Variants in MARCO observed in about 807,000 individuals in gnomAD.
MARCO encodes the protein macrophage receptor MARCO.
A neutral mutation model predicts 70.0 loss-of-function variants in MARCO; 72 were observed. The ratio of observed to expected loss-of-function variants is 1.03; its 90% confidence interval spans 0.85 to 1.25. The LOEUF is 1.25. MARCO is among the 50% of genes most tolerant of loss of function. MARCO has a pLI of 0.00. For synonymous variants in MARCO, 273 were observed against 243.1 expected (o/e 1.12, Z -1.14); for missense variants, 696 against 659.3 (o/e 1.06, Z -0.61).
chr2:118,975,159 G>T (rs1394043119), intron 6 of MARCO, among the ~76,000 whole-genome samples: 2 of 152,108 alleles, frequency 1.3e-5, no homozygotes, highest in African/African-American at 4.8e-5. Flanking sequence ...GGGTTCACGG[G>T]GCCCGGTCAG....
chr2:118,948,702 T>C (rs915794277), intron 1 of MARCO, among the ~76,000 whole-genome samples: 1 of 152,238 alleles, frequency 6.6e-6, no homozygotes, highest in African/African-American at 2.4e-5. Flanking sequence ...ATGTCTTGGC[T>C]TAGTTGTTTT....
At chr2:118,960,632 C>T (rs944708385) in intron 1 of MARCO, among the ~76,000 whole-genome samples, 4 of 152,086 alleles carry the variant, frequency 2.6e-5, no homozygotes, top group Non-Finnish European at 4.4e-5. Context: ...TTGAACCATC[C>T]TTGCATATCT....
At chr2:118,988,611 T>C (rs1211108074) in intron 12 of MARCO, among the ~76,000 whole-genome samples, 3 of 152,054 alleles carry the variant, frequency 2.0e-5, no homozygotes, top group Non-Finnish European at 4.4e-5. Flanking sequence ...GTGACCTCCC[T>C]GGATGTGGAC....
chr2:118,948,586 T>C (rs1408197010), intron 1 of MARCO, among the ~76,000 whole-genome samples: 5 of 152,186 alleles, frequency 3.3e-5, no homozygotes, highest in Non-Finnish European at 5.9e-5. Flanking sequence ...TTTCCAACAC[T>C]CACAATTTAT....
At chr2:118,982,714 C>G (rs7599352) in intron 12 of MARCO, among the ~76,000 whole-genome samples, 4 of 151,958 alleles carry the variant, frequency 2.6e-5, no homozygotes, top group African/African-American at 9.7e-5. Context: ...CCCAGCTGTA[C>G]GTTTCTGCTG....
intron 1 of MARCO, among the ~76,000 whole-genome samples, chr2:118,959,892 AC>A (rs1411590229): frequency 6.6e-6 from 1 of 152,184 alleles, no homozygotes; most frequent in Non-Finnish European, 1.5e-5. Flanking sequence ...ATATGTTATC[AC>A]TGATATGAGG....
intron 1 of MARCO, among the ~76,000 whole-genome samples, chr2:118,964,376 C>A (rs570260718): frequency 1.3e-4 from 20 of 152,192 alleles, no homozygotes; most frequent in African/African-American, 3.9e-4. Flanking sequence ...GTTAGGGGAA[C>A]CTCCTCTAGT....
intron 1 of MARCO, among the ~76,000 whole-genome samples, chr2:118,965,745 GGGCTAT>G (rs1199122839): frequency 6.6e-6 from 1 of 152,152 alleles, no homozygotes; most frequent in Admixed American, 6.5e-5. Context: ...CTACTTGTGT[GGGCTAT>G]GGTACAATGA....
chr2:118,981,785 C>T (rs2104596716), intron 10 of MARCO, 129 bp downstream of exon 10: 1 of 970,610 alleles, frequency 1.0e-6, no homozygotes, highest in East Asian at 2.4e-5. Context: ...GTTTTTTAGA[C>T]ATCTGGCCCT....
At chr2:118,981,794 C>A in intron 10 of MARCO, 138 bp downstream of exon 10, 1 of 915,170 alleles carries the variant, frequency 1.1e-6, no homozygotes, top group Non-Finnish European at 1.7e-6. Context: ...ACATCTGGCC[C>A]TGGCCAAGAG....
chr2:118,973,904 A>T (rs1292159694), intron 4 of MARCO, among the ~76,000 whole-genome samples: 1 of 152,178 alleles, frequency 6.6e-6, no homozygotes, highest in African/African-American at 2.4e-5. Context: ...GGCACTGGGG[A>T]TCCAGACATG....
rs756067942 is a variant in MARCO at position 118,970,134 on chromosome 2, C to T, written c.220C>T (p.Leu74Phe). The T allele has an allele frequency of 2.5e-6, 4 of 1,613,980 alleles. No homozygotes were observed. Among genetic ancestry groups the T allele is most frequent in the Admixed American group, 1.7e-5 (1 of 60,006 alleles). Residue 74 changes from leucine (L) to phenylalanine (F), a missense_variant, in exon 3 of 17, where the codon CTC (leucine) becomes TTC (phenylalanine). Leu to Phe is a conservative substitution (Grantham distance 22). Transcript: ENST00000327097. ...VVQVLNLQAR[L>F]RVLEMYFLND... ...CCCAGTTCTGAATCTGCAGGCGCGG[C>T]TCCGGGTCCTGGAGATGTATTTCCT...
chr2:118,942,213 C>A lies in MARCO; in HGVS notation c.-88C>A, dbSNP rs1327459609. On this transcript the variant is annotated 5_prime_UTR_variant, in exon 1 of 17. Coordinates refer to ENST00000327097, the MANE Select transcript of MARCO (RefSeq NM_006770.4). ...AGGTTTACAACCAGCTGCAGTGGTT[C>A]GATGGGAAGGATCTTTCTCCAAGTG... is the stretch of plus-strand genomic sequence containing the variant. The A allele has an allele frequency of 1.8e-5, 15 of 817,756 alleles. No individual in the cohort carries two copies. The highest frequency in any genetic ancestry group is 3.1e-5 in the Non-Finnish European group (15 of 484,842). 50.7% of individuals were successfully genotyped at this position (817,756 alleles called of 1,614,324 possible). A position where few individuals can be genotyped will look rare whatever the true frequency, so the allele number is the denominator to read the frequency against.
Position 118,973,078 on chromosome 2 carries a change from A to C in MARCO, c.461-1255A>C, listed in dbSNP as rs181812926. On this transcript the variant is annotated intron_variant, in intron 4 of 16. Transcript: ENST00000327097. ...AGAAAAACTCCAACTCTCTCTCTCCATGTCTCTCTCTCTGTCTCTCTGAAT... is the reference window on the plus strand; with the variant it reads ...AGAAAAACTCCAACTCTCTCTCTCCCTGTCTCTCTCTCTGTCTCTCTGAAT... Among the ~76,000 whole-genome samples the C allele has an allele frequency of 5.2e-3, 778 of 148,736 alleles. 23 individuals carry two copies. Among genetic ancestry groups the C allele is most frequent in the Admixed American group, 0.046 (688 of 14,846 alleles).
intron 14 of MARCO, 120 bp from the exon 15 acceptor site, chr2:118,992,312 G>A (rs780547778): frequency 9.3e-6 from 7 of 749,916 alleles, no homozygotes; most frequent in African/African-American, 1.7e-5. Flanking sequence ...GGCCACAGGC[G>A]AGACCCACGG....
rs758848121 is a variant in MARCO, at chr2:118,974,426, G to A, written c.554G>A (p.Arg185Gln). 8.1e-6 allele frequency: 13 copies of A among 1,612,780 alleles called. No homozygotes were observed. The highest frequency in any genetic ancestry group is 5.3e-5 in the African/African-American group (4 of 74,920). The change falls in exon 5 of 17, where the codon CGA becomes CAA. Residue 185 changes from arginine (R) to glutamine (Q), a missense_variant. Physicochemically the swap from Arg to Gln is conservative, Grantham distance 43. Around this residue, in one of 3 missense-constraint regions of MARCO, gnomAD observed 605 missense variants for 537.6 expected, o/e 1.13. Transcript: ENST00000327097. The part of the protein sequence containing the change: ...AEKGAKGAMG[R>Q]DGATGPSGPQ... Reference sequence around the variant, plus strand: ...AAGGGAGCCAAGGGGGCTATGGGACGAGATGGAGCAACAGGTACGGGTCTT... The same window carrying A: ...AAGGGAGCCAAGGGGGCTATGGGACAAGATGGAGCAACAGGTACGGGTCTT...
intron 8 of MARCO, among the ~76,000 whole-genome samples, chr2:118,980,663 C>A (rs1446450858): frequency 6.6e-6 from 1 of 152,196 alleles, no homozygotes; most frequent in Non-Finnish European, 1.5e-5. Context: ...ACTCTACCCA[C>A]CCCCAGGGGA....
At chr2:118,946,976 C>T (rs1042445438) in intron 1 of MARCO, among the ~76,000 whole-genome samples, 1 of 152,098 alleles carries the variant, frequency 6.6e-6, no homozygotes, top group Non-Finnish European at 1.5e-5. Context: ...AGTGAAATGT[C>T]TCTTTGTGTC....
chr2:118,992,383 G>T, intron 14 of MARCO, 49 bp from the exon 15 acceptor site: 2 of 1,550,628 alleles, frequency 1.3e-6, no homozygotes, highest in Non-Finnish European at 1.8e-6. Context: ...AGGCAAAGGC[G>T]TCCTGCCTGG....
Sources: allele counts gnomAD v4.1 joint callset (sites outside exome capture counted in the v4.1 genomes callset), GRCh38; gene constraint gnomAD v4.1.1; regional missense constraint gnomAD v4.1.1; transcripts MANE v1.5; gene names NCBI Gene and HGNC (gene_info 2026-07-23, HGNC 2026-07-21).